The following EXOC4 variants were observed in gnomAD, a reference collection of about 807,000 sequenced individuals.
EXOC4 encodes exocyst complex component 4.
In EXOC4, 71 loss-of-function variants were observed where a neutral mutation model predicts 107.2. The ratio of observed to expected loss-of-function variants is 0.66; its 90% CI spans 0.55 to 0.81. The LOEUF (loss-of-function observed/expected upper bound fraction) is 0.81. Ranked by LOEUF, EXOC4 falls within the 30% of genes least tolerant of loss-of-function variation. The probability of loss-of-function intolerance (pLI) is 0.00; values close to 1 mark genes in which losing one functional copy is unlikely to be tolerated. For synonymous variants in EXOC4, 456 were observed against 441.2 expected, an observed-to-expected ratio of 1.03 and a Z score of -0.42; for missense variants, 1,108 against 1,189.6, an observed-to-expected ratio of 0.93 and a Z score of 1.01.
intron 9 of EXOC4, among the ~76,000 whole-genome samples, chr7:133,623,083 G>A (rs1802372074): frequency 6.6e-6 from 1 of 152,094 alleles, no homozygotes; most frequent in African/African-American, 2.4e-5. Flanking sequence ...TCAGCAAAGT[G>A]CCAGTTTCTT....
chr7:133,509,455 G>A (rs888624480), intron 9 of EXOC4, among the ~76,000 whole-genome samples: 3 of 151,964 alleles, frequency 2.0e-5, no homozygotes, highest in African/African-American at 7.2e-5. Flanking sequence ...ATAAGCAGAG[G>A]TAGTTGGGTA....
At chr7:134,069,660 T>C (rs1369099097), downstream of EXOC4, among the ~76,000 whole-genome samples, 1 of 152,116 alleles carries the variant, frequency 6.6e-6, no homozygotes, top group African/African-American at 2.4e-5. Flanking sequence ...AGATAATTTT[T>C]GTATTTTTAG....
intron 9 of EXOC4, among the ~76,000 whole-genome samples, chr7:133,489,348 CAA>C (rs1799328687): frequency 6.6e-6 from 1 of 152,080 alleles, no homozygotes. Flanking sequence ...CAGATATAAA[CAA>C]TTTTTTAAGA....
chr7:133,836,160 T>C (rs1304321137), intron 11 of EXOC4, among the ~76,000 whole-genome samples: 1 of 152,350 alleles, frequency 6.6e-6, no homozygotes, highest in African/African-American at 2.4e-5. Flanking sequence ...ATAATTATTC[T>C]AAGTCATAAA....
At chr7:133,695,402 G>A (rs566222486) in intron 10 of EXOC4, among the ~76,000 whole-genome samples, 53 of 152,064 alleles carry the variant, frequency 3.5e-4, no homozygotes, top group Non-Finnish European at 6.3e-4. Flanking sequence ...ATTCCATATC[G>A]TGGTTATTAC....
intron 10 of EXOC4, among the ~76,000 whole-genome samples, chr7:133,636,572 G>A (rs1025326665): frequency 6.6e-6 from 1 of 152,192 alleles, no homozygotes; most frequent in Non-Finnish European, 1.5e-5. Flanking sequence ...AAGAACAGTT[G>A]TTTGCAGTCT....
chr7:134,058,386 G>GT (rs1795979123), intron 17 of EXOC4, among the ~76,000 whole-genome samples: 1 of 152,110 alleles, frequency 6.6e-6, no homozygotes, highest in South Asian at 2.1e-4. Context: ...CCCCAAAAAA[G>GT]TACTGAATCA....
At chr7:133,389,323 C>T (rs1026762842) in intron 7 of EXOC4, among the ~76,000 whole-genome samples, 1 of 152,010 alleles carries the variant, frequency 6.6e-6, no homozygotes, top group African/African-American at 2.4e-5. Flanking sequence ...GTAATCCCAG[C>T]ACTTTGGAAG....
intron 10 of EXOC4, among the ~76,000 whole-genome samples, chr7:133,656,243 A>G (rs897883575): frequency 6.6e-6 from 1 of 152,198 alleles, no homozygotes; most frequent in Admixed American, 6.6e-5. Context: ...AGTGGCAAAG[A>G]TATCAGTTGG....
chr7:134,020,133 C>CT (rs1794996717), intron 17 of EXOC4, among the ~76,000 whole-genome samples: 1 of 152,188 alleles, frequency 6.6e-6, no homozygotes. Context: ...TACACCTGTG[C>CT]TTTTAAGACA....
intron 10 of EXOC4, among the ~76,000 whole-genome samples, chr7:133,787,988 T>TATAG (rs2151181452): frequency 1.0e-5 from 1 of 98,772 alleles, no homozygotes; most frequent in African/African-American, 3.9e-5. Flanking sequence ...TATATATATA[T>TATAG]ATATATATAT....
chr7:133,548,723 T>G lies in EXOC4; in HGVS notation c.1417+68585T>G, dbSNP rs547010555. On this transcript the variant is annotated intron_variant, in intron 9 of 17. Coordinates refer to ENST00000253861, the MANE Select transcript of EXOC4 (RefSeq NM_021807.4). ...TCACCTCTCTCAGCCTTCAAAGAAC[T>G]GAAGAGAGTAGAGCCTTGTTCTGGA... 1.6e-3 allele frequency among the ~76,000 whole-genome samples: 238 copies of G among 152,362 alleles called. 1 individual carries two copies. The highest frequency in any genetic ancestry group is 2.7e-3 in the Non-Finnish European group (186 of 68,028).
At chr7:133,409,141 A>G (rs769538374) in intron 7 of EXOC4, among the ~76,000 whole-genome samples, 3 of 152,240 alleles carry the variant, frequency 2.0e-5, no homozygotes, top group Non-Finnish European at 4.4e-5. Context: ...GGGATTGTAC[A>G]GTAACCAGCA....
At chr7:133,996,798 T>A (rs1052807128) in intron 14 of EXOC4, among the ~76,000 whole-genome samples, 2 of 152,152 alleles carry the variant, frequency 1.3e-5, no homozygotes, top group African/African-American at 4.8e-5. Context: ...TAGAGAAAAA[T>A]TGGAATGTTT....
intron 9 of EXOC4, among the ~76,000 whole-genome samples, chr7:133,514,663 A>G (rs944491441): frequency 1.5e-4 from 23 of 152,190 alleles, no homozygotes; most frequent in Non-Finnish European, 2.2e-4. Context: ...ACTGGCAGCA[A>G]GATGTACCAG....
At chr7:133,673,803 G>A (rs1270237032) in intron 10 of EXOC4, among the ~76,000 whole-genome samples, 1 of 152,082 alleles carries the variant, frequency 6.6e-6, no homozygotes, top group Non-Finnish European at 1.5e-5. Flanking sequence ...AATTACTATG[G>A]CATTCTGTTA....
intron 7 of EXOC4, among the ~76,000 whole-genome samples, chr7:133,389,273 T>A (rs892258489): frequency 6.6e-6 from 1 of 151,896 alleles, no homozygotes; most frequent in Non-Finnish European, 1.5e-5. Flanking sequence ...GGCTTAACTA[T>A]AAGAAATGGA....
At chr7:133,270,530 C>T (rs1178819194) in intron 1 of EXOC4, among the ~76,000 whole-genome samples, 1 of 152,018 alleles carries the variant, frequency 6.6e-6, no homozygotes, top group Non-Finnish European at 1.5e-5. Flanking sequence ...ATTGAAAGTC[C>T]TTTACCATTT....
chr7:133,615,438 CT>C (rs1802172331), intron 9 of EXOC4, among the ~76,000 whole-genome samples: 1 of 151,968 alleles, frequency 6.6e-6, no homozygotes, highest in South Asian at 2.1e-4. Context: ...GTTTATTTTT[CT>C]GTTTATGTTA....
Sources: gnomAD v4.1 joint callset for allele counts (sites outside exome capture counted in the v4.1 genomes callset) on GRCh38, gnomAD v4.1.1 for gene constraint, MANE v1.5 for transcripts, NCBI Gene and HGNC (gene_info 2026-07-23, HGNC 2026-07-21) for gene names.